MGAT4C: variants seen among roughly 807,000 people sequenced by gnomAD.
MGAT4C encodes alpha-1,3-mannosyl-glycoprotein 4-beta-N-acetylglucosaminyltransferase C.
MGAT4C carries 19 observed loss-of-function variants against 40.1 expected under a neutral mutation model. The observed-to-expected ratio is 0.47, with a 90% CI of 0.33 to 0.70. MGAT4C has a LOEUF of 0.70. Among genes scored for constraint, MGAT4C ranks in the 30% least tolerant of loss-of-function variants. The pLI is 0.02. For missense variants in MGAT4C, 491 were observed against 563.2 expected, an observed-to-expected ratio of 0.87 and a Z score of 1.30; for synonymous variants, 181 against 187.1, an observed-to-expected ratio of 0.97 and a Z score of 0.27.
At position 86,272,251 on chromosome 12, in the gene MGAT4C, C is replaced by T. The variant is rs376595552; in HGVS notation, c.-57+61814G>A. On this transcript the variant is annotated intron_variant, in intron 4 of 7. Coordinates refer to the MGAT4C transcript ENST00000548651. ...TATTTATTCGTAAGACTGAATAATACTTCATTGTCTATATAGGCCACATAT... is the reference window on the plus strand; with the variant it reads ...TATTTATTCGTAAGACTGAATAATATTTCATTGTCTATATAGGCCACATAT... 2.3e-4 allele frequency among the ~76,000 whole-genome samples: 35 copies of T among 152,220 alleles called. No homozygotes were observed. In the East Asian group the frequency reaches 6.8e-3, roughly 29 times the overall value.
At chr12:86,330,282 T>C (rs916084678) in intron 4 of MGAT4C, among the ~76,000 whole-genome samples, 2 of 152,212 alleles carry the variant, frequency 1.3e-5, no homozygotes, top group African/African-American at 4.8e-5. Flanking sequence ...GTATCATTTT[T>C]ATCAAATTAT....
intron 1 of MGAT4C, among the ~76,000 whole-genome samples, chr12:86,170,992 T>C (rs1886770567): frequency 6.6e-6 from 1 of 152,170 alleles, no homozygotes; most frequent in African/African-American, 2.4e-5. Flanking sequence ...GGACATTCTG[T>C]TCTCTGAGGT....
At chr12:86,781,754 C>T (rs1316736005) in intron 1 of MGAT4C, among the ~76,000 whole-genome samples, 1 of 151,980 alleles carries the variant, frequency 6.6e-6, no homozygotes, top group African/African-American at 2.4e-5. Context: ...CTATAGATAA[C>T]AAATCTAGAA....
intron 3 of MGAT4C, among the ~76,000 whole-genome samples, chr12:85,988,302 G>A (rs1235924892): frequency 6.6e-6 from 1 of 152,056 alleles, no homozygotes; most frequent in African/African-American, 2.4e-5. Flanking sequence ...GATGCAAGAT[G>A]TTTTACAGAG....
rs1171747295 is a variant in MGAT4C at position 85,974,516 on chromosome 12, T to C, written c.*4773A>G. On this transcript the variant is annotated 3_prime_UTR_variant, in exon 5 of 5. Transcript: ENST00000611864. The stretch of plus-strand genomic sequence containing the variant: ...CATAATATTCAAGTATGTATACATA[T>C]ATACACATATGTACATACACATATG... The C allele has an allele frequency of 6.6e-6, 1 of 150,666 alleles. No individual in the cohort carries two copies. The highest frequency in any genetic ancestry group is 1.5e-5 in the Non-Finnish European group (1 of 67,028). The allele number at this position is 150,666 out of a possible 1,614,324, so 9.3% of individuals were successfully genotyped here.
chr12:86,216,973 A>G (rs1354698854), intron 1 of MGAT4C, among the ~76,000 whole-genome samples: 1 of 152,220 alleles, frequency 6.6e-6, no homozygotes, highest in Non-Finnish European at 1.5e-5. Flanking sequence ...ATAGCTAAAT[A>G]TAAGTAAGTT....
chr12:86,426,978 G>C (rs544454106), intron 3 of MGAT4C, among the ~76,000 whole-genome samples: 1 of 151,904 alleles, frequency 6.6e-6, no homozygotes, highest in South Asian at 2.1e-4. Context: ...GAGAGAGAGA[G>C]AGAAATCACA....
intron 1 of MGAT4C, among the ~76,000 whole-genome samples, chr12:86,249,509 A>G (rs760012384): frequency 2.4e-4 from 36 of 152,178 alleles, no homozygotes; most frequent in Non-Finnish European, 4.9e-4. Flanking sequence ...TCTCAAAACC[A>G]CAGTGATCCA....
At chr12:86,613,868 A>G (rs1363465075) in intron 2 of MGAT4C, among the ~76,000 whole-genome samples, 1 of 152,166 alleles carries the variant, frequency 6.6e-6, no homozygotes, top group African/African-American at 2.4e-5. Context: ...CATTTAAAAC[A>G]TATTTTATTT....
At chr12:86,225,837 G>A (rs114481208) in intron 1 of MGAT4C, among the ~76,000 whole-genome samples, 3,226 of 151,994 alleles carry the variant, frequency 0.021, 95 homozygotes, top group African/African-American at 0.073. Context: ...AGCTAACATC[G>A]TATTGAATGG....
At chr12:86,771,320 G>A (rs1951631054) in intron 1 of MGAT4C, among the ~76,000 whole-genome samples, 2 of 152,136 alleles carry the variant, frequency 1.3e-5, no homozygotes, top group Non-Finnish European at 2.9e-5. Context: ...GTACTGAGAA[G>A]TGGGGTGCTA....
intron 2 of MGAT4C, among the ~76,000 whole-genome samples, chr12:86,484,640 G>T (rs992755511): frequency 6.6e-6 from 1 of 152,236 alleles, no homozygotes; most frequent in South Asian, 2.1e-4. Flanking sequence ...ACTGAGAGGG[G>T]TGAGAAATGT....
At chr12:86,095,456 T>G (rs1873743582) in intron 1 of MGAT4C, among the ~76,000 whole-genome samples, 1 of 152,012 alleles carries the variant, frequency 6.6e-6, no homozygotes, top group Admixed American at 6.6e-5. Flanking sequence ...TTTACCTGGT[T>G]TTGGAATCTT....
chr12:86,240,080 CCTATT>C (rs1207851703), intron 1 of MGAT4C, among the ~76,000 whole-genome samples: 1 of 150,710 alleles, frequency 6.6e-6, no homozygotes, highest in Non-Finnish European at 1.5e-5. Flanking sequence ...ATCTCTAATG[CCTATT>C]CTAATGTGCA....
At chr12:86,342,490 G>T (rs1333345037) in intron 3 of MGAT4C, among the ~76,000 whole-genome samples, 1 of 152,104 alleles carries the variant, frequency 6.6e-6, no homozygotes. Context: ...AAGGAGCAAA[G>T]ACCCTAAGTG....
rs144267456 is a variant in MGAT4C at position 86,750,119 on chromosome 12, G to A, written c.-261-22878C>T. Among the ~76,000 whole-genome samples the A allele has an allele frequency of 3.5e-3, 538 of 151,942 alleles. 3 individuals carry two copies. The highest frequency in any genetic ancestry group is 0.012 in the African/African-American group (514 of 41,514). On this transcript the variant is annotated intron_variant, in intron 1 of 7. Transcript: ENST00000548651. ...GATTCTTGAGAAGAGTCTATTAAGA[G>A]AGAGAAGAAATAATTTGGTTTAAGT...
chr12:86,428,058 A>C (rs554016030), intron 3 of MGAT4C, among the ~76,000 whole-genome samples: 73 of 148,376 alleles, frequency 4.9e-4, no homozygotes, highest in Middle Eastern at 3.4e-3. Flanking sequence ...ACAAAACCAC[A>C]ACAACAAAAA....
At chr12:86,682,554 T>C (rs1040573185) in intron 2 of MGAT4C, among the ~76,000 whole-genome samples, 1 of 152,108 alleles carries the variant, frequency 6.6e-6, no homozygotes, top group Admixed American at 6.6e-5. Context: ...ACTGGTAATT[T>C]AAGCTCCTTT....
At chr12:86,338,897 T>C (rs756066884) in intron 3 of MGAT4C, among the ~76,000 whole-genome samples, 12 of 131,140 alleles carry the variant, frequency 9.2e-5, no homozygotes, top group Non-Finnish European at 1.5e-4. Flanking sequence ...TGGCAGAAGT[T>C]GCAGTGAGCT....
Sources: gnomAD v4.1 joint callset for allele counts (sites outside exome capture counted in the v4.1 genomes callset) on GRCh38, gnomAD v4.1.1 for gene constraint, MANE v1.5 for transcripts, NCBI Gene and HGNC (gene_info 2026-07-23, HGNC 2026-07-21) for gene names.